The following MAP2K5 variants were observed in gnomAD, a reference collection of about 807,000 sequenced individuals.
MAP2K5 encodes dual specificity mitogen-activated protein kinase kinase 5.
MAP2K5 carries 49 observed loss-of-function variants against 83.1 expected under a neutral mutation model. The observed-to-expected ratio is 0.59, with a 90% CI of 0.47 to 0.75. MAP2K5 has a LOEUF of 0.75. MAP2K5 is among the 30% of genes least tolerant of loss of function. The pLI, the probability that MAP2K5 is intolerant of heterozygous loss-of-function variation, is 0.00. For missense variants in MAP2K5, 457 were observed against 557.5 expected (o/e 0.82, Z 1.82); for synonymous variants, 202 against 191.8 (o/e 1.05, Z -0.44).
At position 67,802,528 on chromosome 15, in the gene MAP2K5, A is replaced by G. The variant is rs1025416944; in HGVS notation, c.1243-4118A>G. On this transcript the variant is annotated intron_variant, in intron 21 of 21. Coordinates refer to ENST00000178640, the MANE Select transcript of MAP2K5 (RefSeq NM_145160.3). The surrounding 1 kb of genome is among the most constrained non-coding windows in gnomAD (Gnocchi z 5.0). Reference sequence around the variant, plus strand: ...AATAACTTCAACCCTCGTCAGTTTAATTGTTGCAATTGGCCCTCAGAGAAT... The same window carrying G: ...AATAACTTCAACCCTCGTCAGTTTAGTTGTTGCAATTGGCCCTCAGAGAAT... Among the ~76,000 whole-genome samples the G allele has an allele frequency of 1.3e-5, 2 of 152,206 alleles. No homozygotes were observed. Among genetic ancestry groups the G allele is most frequent in the Non-Finnish European group, 2.9e-5 (2 of 68,034 alleles).
intron 4 of MAP2K5, among the ~76,000 whole-genome samples, chr15:67,583,671 TA>T (rs1287607315): frequency 6.6e-6 from 1 of 152,192 alleles, no homozygotes; most frequent in African/African-American, 2.4e-5. Flanking sequence ...TCTTAAATTT[TA>T]TGGTTAGGCC....
intron 11 of MAP2K5, among the ~76,000 whole-genome samples, chr15:67,647,350 A>G (rs1028640580): frequency 2.6e-5 from 4 of 152,336 alleles, no homozygotes; most frequent in Admixed American, 2.6e-4. Flanking sequence ...GTAACTGTGG[A>G]GACTGACCAG....
chr15:67,799,579 A>G (rs958594009), intron 21 of MAP2K5, among the ~76,000 whole-genome samples: 4 of 152,264 alleles, frequency 2.6e-5, no homozygotes, highest in Admixed American at 6.5e-5. Context: ...CTTTACTTCT[A>G]TACAAATCTG....
chr15:67,766,297 T>C (rs1406735780), intron 19 of MAP2K5, among the ~76,000 whole-genome samples: 5 of 152,190 alleles, frequency 3.3e-5, no homozygotes, highest in African/African-American at 1.2e-4. Flanking sequence ...ACCTCCGTGC[T>C]TAGAAGTTCA....
intron 8 of MAP2K5, among the ~76,000 whole-genome samples, chr15:67,615,393 T>G (rs1442320482): frequency 6.6e-6 from 1 of 152,240 alleles, no homozygotes; most frequent in Non-Finnish European, 1.5e-5. Flanking sequence ...CTATTTGAAC[T>G]AGTATAGTTT....
chr15:67,742,929 C>T (rs1344032303), intron 17 of MAP2K5, among the ~76,000 whole-genome samples: 1 of 152,164 alleles, frequency 6.6e-6, no homozygotes, highest in Admixed American at 6.5e-5. Context: ...CTGGCAGACC[C>T]AGCAAATGAA....
chr15:67,571,724 C>CA (rs976356573), intron 3 of MAP2K5, among the ~76,000 whole-genome samples: 14 of 152,100 alleles, frequency 9.2e-5, no homozygotes, highest in Non-Finnish European at 1.6e-4. Context: ...GCAGAGGATA[C>CA]AGAGGCATAA....
At chr15:67,621,718 C>T (rs1162849321) in intron 8 of MAP2K5, among the ~76,000 whole-genome samples, 1 of 151,966 alleles carries the variant, frequency 6.6e-6, no homozygotes, top group Non-Finnish European at 1.5e-5. Flanking sequence ...CAAAATAGAC[C>T]TAGAGCAATC....
chr15:67,806,991 G>T lies in MAP2K5; in HGVS notation c.*241G>T. The T allele has an allele frequency of 6.7e-7, 1 of 1,482,630 alleles. No individual in the cohort carries two copies. 91.8% of individuals were successfully genotyped at this position (1,482,630 alleles called of 1,614,324 possible). On this transcript the variant is annotated 3_prime_UTR_variant, in exon 22 of 22. Transcript: ENST00000178640. ...TGACACTGGCAGAGAGGTAAAGGGT[G>T]GGGCATTGAGAATGGAGGCTCCCAG...
Position 67,747,257 on chromosome 15 carries a change from CAT to C in MAP2K5, c.1075-970_1075-969del, listed in dbSNP as rs2089624722. On this transcript the variant is annotated intron_variant, in intron 17 of 21. Coordinates refer to ENST00000178640, the MANE Select transcript of MAP2K5 (RefSeq NM_145160.3). This position sits in a 1 kb window ranked among gnomAD's most constrained non-coding sequence, Gnocchi z 4.1. ...GAATTTTTTAAAACACCTTTAAAAA[CAT>C]ATAAGGGATTATTACTAGTTTCCCT... Among the ~76,000 whole-genome samples the C allele has an allele frequency of 6.6e-6, 1 of 152,172 alleles. No homozygotes were observed. The highest frequency in any genetic ancestry group is 6.5e-5 in the Admixed American group (1 of 15,286).
rs925581077 is a variant in MAP2K5, at chr15:67,643,834, T to C, written c.586-2397T>C. Among the ~76,000 whole-genome samples, 5 of 152,330 alleles carry C rather than the reference T, an allele frequency of 3.3e-5. 1 individual carries two copies. Among genetic ancestry groups the C allele is most frequent in the African/African-American group, 4.8e-5 (2 of 41,574 alleles). On this transcript the variant is annotated intron_variant, in intron 9 of 21. Coordinates refer to ENST00000178640, the MANE Select transcript of MAP2K5 (RefSeq NM_145160.3). Reference sequence around the variant, plus strand: ...CAACGCCTGGCCAATGTCAGGACTATAAAATGTACTTTAGAATTGTCCTTT... The same window carrying C: ...CAACGCCTGGCCAATGTCAGGACTACAAAATGTACTTTAGAATTGTCCTTT...
Position 67,563,709 on chromosome 15 carries a change from A to C in MAP2K5, c.252+359A>C, listed in dbSNP as rs1338079070. 6.6e-6 allele frequency among the ~76,000 whole-genome samples: 1 copy of C among 152,160 alleles called. No individual in the cohort carries two copies. Among genetic ancestry groups the C allele is most frequent in the Non-Finnish European group, 1.5e-5 (1 of 68,032 alleles). On this transcript the variant is annotated intron_variant, in intron 3 of 21. Coordinates refer to ENST00000178640, the MANE Select transcript of MAP2K5 (RefSeq NM_145160.3). The surrounding 1 kb of genome is among the most constrained non-coding windows in gnomAD (Gnocchi z 4.5). Reference sequence around the variant, plus strand: ...TTTTTCAAAATCTACTTTCAACTGGAGATCTCTCTCACCCTTCCAGACTAT... The same window carrying C: ...TTTTTCAAAATCTACTTTCAACTGGCGATCTCTCTCACCCTTCCAGACTAT...
rs2141331838 is a variant in MAP2K5, at chr15:67,790,759, CT to C, written c.1243-15886del. 6.6e-6 allele frequency among the ~76,000 whole-genome samples: 1 copy of C among 152,130 alleles called. No homozygotes were observed. The highest frequency in any genetic ancestry group is 6.5e-5 in the Admixed American group (1 of 15,286). ...AAAAAAAAAACCTGTGTCCTAATGT[CT>C]GCCACACTTAGTGCTGAACATGTGT... On this transcript the variant is annotated intron_variant, in intron 21 of 21. Transcript: ENST00000178640. The surrounding 1 kb of genome is among the most constrained non-coding windows in gnomAD (Gnocchi z 4.6).
At chr15:67,661,205 ACTCAGTGG>A (rs1385888953) in intron 12 of MAP2K5, among the ~76,000 whole-genome samples, 1 of 151,868 alleles carries the variant, frequency 6.6e-6, no homozygotes, top group Non-Finnish European at 1.5e-5. Context: ...CTTCCAGCTT[ACTCAGTGG>A]CTCAGTGGTT....
At chr15:67,655,064 C>CA (rs35723223) in intron 11 of MAP2K5, among the ~76,000 whole-genome samples, 23,634 of 120,422 alleles carry the variant, frequency 0.2, 2,051 homozygotes, top group African/African-American at 0.26. Context: ...GACTCCATCT[C>CA]AAAAAAAAAA....
At chr15:67,714,125 T>C (rs1448997868) in intron 16 of MAP2K5, among the ~76,000 whole-genome samples, 3 of 152,196 alleles carry the variant, frequency 2.0e-5, no homozygotes, top group Non-Finnish European at 4.4e-5. Flanking sequence ...CCTTTCCTTG[T>C]TGAGCCTACA....
At chr15:67,580,306 C>T (rs902421796) in intron 3 of MAP2K5, among the ~76,000 whole-genome samples, 5 of 152,096 alleles carry the variant, frequency 3.3e-5, no homozygotes, top group Admixed American at 6.5e-5. Context: ...TCTGTGATTT[C>T]GATTTCCATT....
chr15:67,774,200 T>A lies in MAP2K5; in HGVS notation c.1242+1448T>A, dbSNP rs867997922. 0.011 allele frequency among the ~76,000 whole-genome samples: 934 copies of A among 87,444 alleles called. 5 individuals are homozygous for A. The highest frequency in any genetic ancestry group is 0.024 in the Middle Eastern group (4 of 164). The allele number at this position is 87,444 out of a possible 152,430, so 57.4% of individuals were successfully genotyped here. ...GTGTGTGTGTGTGTGTGTGTGTGTGTGTGAGAGAACATAGGTATTTAGATA... is the reference window on the plus strand; with the variant it reads ...GTGTGTGTGTGTGTGTGTGTGTGTGAGTGAGAGAACATAGGTATTTAGATA... On this transcript the variant is annotated intron_variant, in intron 21 of 21. Transcript: ENST00000178640. This position sits in a 1 kb window ranked among gnomAD's most constrained non-coding sequence, Gnocchi z 4.9.
At chr15:67,761,033 G>A (rs914932067) in intron 19 of MAP2K5, among the ~76,000 whole-genome samples, 2 of 152,002 alleles carry the variant, frequency 1.3e-5, no homozygotes, top group African/African-American at 2.4e-5. Context: ...CAAACTGGTC[G>A]GCTGGGGTGT....
Sources: gnomAD v4.1 joint callset for allele counts (sites outside exome capture counted in the v4.1 genomes callset) on GRCh38, gnomAD v4.1.1 for gene constraint, Gnocchi (gnomAD v3.1) non-coding constraint, MANE v1.5 for transcripts, NCBI Gene and HGNC (gene_info 2026-07-23, HGNC 2026-07-21) for gene names.